CSMD3: variants seen among roughly 807,000 people sequenced by gnomAD.
The protein encoded by CSMD3 is CUB and sushi domain-containing protein 3.
In CSMD3, 177 loss-of-function variants were observed where a neutral mutation model predicts 435.2. That is an observed-to-expected ratio of 0.41 (90% confidence interval 0.36 to 0.46). The LOEUF (loss-of-function observed/expected upper bound fraction) is 0.46, where lower values mean the gene tolerates loss of function less well. CSMD3 is among the 20% of genes least tolerant of loss of function. The probability of loss-of-function intolerance (pLI) is 0.34; values close to 1 mark genes in which losing one functional copy is unlikely to be tolerated. For synonymous variants in CSMD3, 1,656 were observed against 1,520.5 expected (o/e 1.09, Z -2.07); for missense variants, 4,265 against 4,504.6 (o/e 0.95, Z 1.52).
chr8:113,164,967 A>G (rs1488904893), intron 4 of CSMD3, among the ~76,000 whole-genome samples: 1 of 152,144 alleles, frequency 6.6e-6, no homozygotes, highest in Non-Finnish European at 1.5e-5. Flanking sequence ...GTTTATTCTA[A>G]TTCATTTTGC....
intron 1 of CSMD3, among the ~76,000 whole-genome samples, chr8:113,435,252 T>C (rs1208139789): frequency 6.6e-6 from 1 of 152,054 alleles, no homozygotes; most frequent in Admixed American, 6.5e-5. Context: ...AAAATCAAGC[T>C]TCAAGGAGCA....
intron 5 of CSMD3, among the ~76,000 whole-genome samples, chr8:113,044,267 A>C (rs34727104): frequency 7.9e-6 from 1 of 127,298 alleles, no homozygotes; most frequent in Non-Finnish European, 2.0e-5. Context: ...AAGAAATATG[A>C]AATAGCAAAT....
chr8:112,492,895 T>C (rs770023179), intron 30 of CSMD3, among the ~76,000 whole-genome samples: 21 of 112,376 alleles, frequency 1.9e-4, no homozygotes, highest in Admixed American at 8.0e-4. Context: ...CATCATATCC[T>C]GTATTATTAG....
intron 1 of CSMD3, among the ~76,000 whole-genome samples, chr8:113,420,052 C>T (rs1371247703): frequency 6.6e-6 from 1 of 151,966 alleles, no homozygotes; most frequent in East Asian, 1.9e-4. Context: ...TTGAAGATCT[C>T]AAATAATATT....
chr8:112,912,220 T>C (rs1456477761), intron 10 of CSMD3, among the ~76,000 whole-genome samples: 2 of 151,600 alleles, frequency 1.3e-5, no homozygotes, highest in African/African-American at 2.4e-5. Flanking sequence ...GCAATGAATA[T>C]GGGAATGTAG....
At chr8:112,431,161 A>T (rs918890434) in intron 32 of CSMD3, among the ~76,000 whole-genome samples, 2 of 152,126 alleles carry the variant, frequency 1.3e-5, no homozygotes, top group Non-Finnish European at 2.9e-5. Context: ...AGAAGCTTAA[A>T]CTACCTCTGG....
chr8:112,323,562 A>T (rs1054136590), intron 45 of CSMD3, among the ~76,000 whole-genome samples: 2 of 152,092 alleles, frequency 1.3e-5, no homozygotes, highest in African/African-American at 4.8e-5. Context: ...ATGATCACAC[A>T]GGTAAGATGG....
intron 1 of CSMD3, among the ~76,000 whole-genome samples, chr8:113,384,616 A>G (rs1400057310): frequency 6.6e-6 from 1 of 152,210 alleles, no homozygotes; most frequent in Admixed American, 6.6e-5. Flanking sequence ...CTCAAAAAAC[A>G]GGGAATCACT....
At chr8:113,111,877 A>G (rs2090651871) in intron 4 of CSMD3, among the ~76,000 whole-genome samples, 1 of 151,786 alleles carries the variant, frequency 6.6e-6, no homozygotes. Context: ...ACAGGGTTTC[A>G]CCATGTTTGT....
intron 59 of CSMD3, among the ~76,000 whole-genome samples, chr8:112,272,317 A>T (rs1817599639): frequency 6.6e-6 from 1 of 152,176 alleles, no homozygotes; most frequent in South Asian, 2.1e-4. Flanking sequence ...TGCATACCTC[A>T]TTAATTTAAT....
chr8:113,212,540 A>G (rs2092849007), intron 3 of CSMD3, among the ~76,000 whole-genome samples: 1 of 152,204 alleles, frequency 6.6e-6, no homozygotes, highest in Non-Finnish European at 1.5e-5. Context: ...CATATACACC[A>G]TAGAATACTA....
chr8:112,890,707 G>T (rs556090827), intron 10 of CSMD3, among the ~76,000 whole-genome samples: 12 of 151,738 alleles, frequency 7.9e-5, no homozygotes, highest in African/African-American at 2.9e-4. Context: ...ACTAATATGC[G>T]ACTTTCATAG....
rs1812407848 is a variant in CSMD3 at position 112,224,657 on chromosome 8, A to T, written c.*114T>A. 1.0e-6 allele frequency: 1 copy of T among 987,662 alleles called. No homozygotes were observed. The highest frequency in any genetic ancestry group is 1.6e-5 in the African/African-American group (1 of 63,170). The allele number at this position is 987,662 out of a possible 1,614,324, so 61.2% of individuals were successfully genotyped here. A position where few individuals can be genotyped will look rare whatever the true frequency, so the allele number is the denominator to read the frequency against. Reference sequence around the variant, plus strand: ...ACTCTTCTGTATCATTCCTCAGGAAAAGGTGACCCAGCAAGTCCTGAAAAG... The same window carrying T: ...ACTCTTCTGTATCATTCCTCAGGAATAGGTGACCCAGCAAGTCCTGAAAAG... On this transcript the variant is annotated 3_prime_UTR_variant, in exon 71 of 71. Coordinates refer to ENST00000297405, the MANE Select transcript of CSMD3 (RefSeq NM_198123.2).
chr8:112,493,024 CTG>C (rs1340463433), intron 30 of CSMD3, among the ~76,000 whole-genome samples: 3 of 152,122 alleles, frequency 2.0e-5, no homozygotes, highest in African/African-American at 7.2e-5. Flanking sequence ...GGACAGCTGA[CTG>C]TTTTTTATGG....
At position 112,419,000 on chromosome 8, in the gene CSMD3, T is replaced by C. The variant is rs1236897551; in HGVS notation, c.5396-9968A>G. 3.9e-5 allele frequency among the ~76,000 whole-genome samples: 6 copies of C among 152,202 alleles called. No homozygotes were observed. The East Asian group carries it at 1.2e-3, about 29-fold the overall frequency. ...TGTCCCATTCCCCAATATCTCATTA[T>C]GTATAAGCGAACATTTCAAAATCCA... On this transcript the variant is annotated intron_variant, in intron 32 of 70. Transcript: ENST00000297405.
At chr8:112,493,795 A>C (rs538503107) in intron 30 of CSMD3, among the ~76,000 whole-genome samples, 2 of 152,150 alleles carry the variant, frequency 1.3e-5, no homozygotes, top group African/African-American at 4.8e-5. Flanking sequence ...ACAGATCTGG[A>C]TGAGGCCTTG....
rs770346282 is a variant in CSMD3 at position 112,247,139 on chromosome 8, A to G, written c.10111-8T>C. The G allele has an allele frequency of 6.3e-7, 1 of 1,578,874 alleles. No homozygotes were observed. Among genetic ancestry groups the G allele is most frequent in the Non-Finnish European group, 8.7e-7 (1 of 1,148,192 alleles). The stretch of plus-strand genomic sequence containing the variant: ...CTGTACAACACTTCCTACCTATAGC[A>G]AATTAAAGAGAGGAAAAAAATATTC... On this transcript the variant is annotated splice_polypyrimidine_tract_variant and splice_region_variant and intron_variant, in intron 63 of 70. Coordinates refer to ENST00000297405, the MANE Select transcript of CSMD3 (RefSeq NM_198123.2).
chr8:112,879,076 C>T (rs1459756700), intron 10 of CSMD3, among the ~76,000 whole-genome samples: 14 of 152,014 alleles, frequency 9.2e-5, no homozygotes, highest in Admixed American at 7.9e-4. Context: ...GGGGAGATAA[C>T]GATTAGGTCT....
At chr8:112,442,077 C>A (rs1414034123) in intron 32 of CSMD3, among the ~76,000 whole-genome samples, 1 of 152,106 alleles carries the variant, frequency 6.6e-6, no homozygotes, top group Non-Finnish European at 1.5e-5. Context: ...CTTCAGGAAG[C>A]TTATAATCAT....
Sources: allele counts gnomAD v4.1 joint callset (sites outside exome capture counted in the v4.1 genomes callset), GRCh38; gene constraint gnomAD v4.1.1; transcripts MANE v1.5; gene names NCBI Gene and HGNC (gene_info 2026-07-23, HGNC 2026-07-21).